The following UNC80 variants were observed in gnomAD, a reference collection of about 807,000 sequenced individuals.
UNC80 encodes unc-80 subunit of NALCN channel complex, also known as protein unc-80 homolog.
Under a neutral mutation model 384.6 loss-of-function variants are expected in UNC80, and 164 were observed. That is an observed-to-expected ratio of 0.43 (90% CI 0.38 to 0.49). The LOEUF (loss-of-function observed/expected upper bound fraction) is 0.49, where lower values mean the gene tolerates loss of function less well. Among genes scored for constraint, UNC80 ranks in the 20% least tolerant of loss-of-function variants. UNC80 has a pLI of 0.00. For missense variants in UNC80, 3,330 were observed against 4,143.0 expected (o/e 0.80, Z 5.39); for synonymous variants, 1,486 against 1,527.8 (o/e 0.97, Z 0.64).
intron 11 of UNC80, among the ~76,000 whole-genome samples, chr2:209,818,459 T>C (rs2079902204): frequency 6.6e-6 from 1 of 152,164 alleles, no homozygotes; most frequent in Admixed American, 6.5e-5. Context: ...AACAGAATAA[T>C]TGATTTTTTT....
In UNC80 at chr2:209,820,569, G is replaced by A. The variant is rs1326492753; in HGVS notation, c.2221G>A (p.Gly741Arg). The change falls in exon 13 of 65, where the codon GGA (glycine) becomes AGA (arginine). Residue 741 changes from glycine (G) to arginine (R), a missense_variant. Physicochemically the swap from Gly to Arg is moderately radical, Grantham distance 125. Coordinates refer to ENST00000673920, the MANE Select transcript of UNC80 (RefSeq NM_001371986.1). ...GPAVSGAGDG[G>R]GEEGGGGDGG... ...TGCTGTTAGTGGAGCTGGAGATGGT[G>A]GAGGAGAAGAAGGAGGAGGTGGAGA... The A allele has an allele frequency of 6.4e-7, 1 of 1,551,598 alleles. No individual in the cohort carries two copies. Among genetic ancestry groups the A allele is most frequent in the East Asian group, 2.4e-5 (1 of 40,910 alleles).
chr2:209,816,899 A>G lies in UNC80; in HGVS notation c.1336-10A>G, dbSNP rs1481321059. 7 of 1,551,402 alleles carry G rather than the reference A, an allele frequency of 4.5e-6. No individual in the cohort carries two copies. The highest frequency in any genetic ancestry group is 6.1e-6 in the Non-Finnish European group (7 of 1,146,812). On this transcript the variant is annotated splice_polypyrimidine_tract_variant and intron_variant, in intron 9 of 64. Transcript: ENST00000673920. The stretch of plus-strand genomic sequence containing the variant: ...CCCTGTGCCTAATTCTACACCTCTC[A>G]TCACTGTAGTTCAAGAGCCGCAAAG...
At chr2:209,848,862 C>T (rs932107852) in intron 21 of UNC80, among the ~76,000 whole-genome samples, 7 of 151,970 alleles carry the variant, frequency 4.6e-5, no homozygotes, top group African/African-American at 1.5e-4. Context: ...AAACCCAGGC[C>T]CATAACTGTA....
Position 209,921,613 on chromosome 2 carries a change from C to A in UNC80, c.5457C>A (p.Ile1819=), listed in dbSNP as rs2090044148. 1.9e-6 allele frequency: 3 copies of A among 1,551,624 alleles called. No individual in the cohort carries two copies. Among genetic ancestry groups the A allele is most frequent in the Non-Finnish European group, 2.6e-6 (3 of 1,147,006 alleles). ...KKRLGREASL[I]TAIPITQEAC... is the part of the protein sequence containing the mutation. ...GACTTGGTAGAGAAGCCAGCCTCAT[C>A]ACTGCCATCCCCATCACCCAGGAGG... Residue 1819 remains isoleucine, a synonymous_variant, in exon 34 of 65, where the codon ATC becomes ATA. Transcript: ENST00000673920.
Position 209,780,207 on chromosome 2 carries a change from C to A in UNC80, c.600+2648C>A, listed in dbSNP as rs558515974. 8.7e-4 allele frequency among the ~76,000 whole-genome samples: 133 copies of A among 152,202 alleles called. 1 individual carries two copies. The highest frequency in any genetic ancestry group is 3.1e-3 in the African/African-American group (128 of 41,522). ...ATAATTCGAAAAGCTGACTTAAGAC[C>A]CTCATGTTTAACTTATGGCTTGGGA... On this transcript the variant is annotated intron_variant, in intron 4 of 64. Transcript: ENST00000673920.
Position 209,957,740 on chromosome 2 carries a change from A to G in UNC80, c.7550+4A>G, listed in dbSNP as rs1559394709. Reference sequence around the variant, plus strand: ...TGTCGTCTGGGGTGAACACCAGGTAATTCACTGCGCCTTATTCTTCTATGG... The same window carrying G: ...TGTCGTCTGGGGTGAACACCAGGTAGTTCACTGCGCCTTATTCTTCTATGG... On this transcript the variant is annotated splice_donor_region_variant and intron_variant, in intron 49 of 64. Transcript: ENST00000673920. 1 of 1,551,338 alleles carries G rather than the reference A, an allele frequency of 6.4e-7. No homozygotes were observed. Among genetic ancestry groups the G allele is most frequent in the Non-Finnish European group, 8.7e-7 (1 of 1,146,734 alleles).
chr2:209,881,525 C>A (rs1050879260), intron 25 of UNC80, among the ~76,000 whole-genome samples: 1 of 152,032 alleles, frequency 6.6e-6, no homozygotes, highest in Non-Finnish European at 1.5e-5. Context: ...TGAAAGTACT[C>A]CAGTATTTAG....
At chr2:209,842,661 C>T (rs148221197) in intron 21 of UNC80, among the ~76,000 whole-genome samples, 2,034 of 152,268 alleles carry the variant, frequency 0.013, 49 homozygotes, top group African/African-American at 0.045. Context: ...ATGATGGGCA[C>T]TGGGTTTTCA....
rs538485359 is a variant in UNC80 at position 209,953,155 on chromosome 2, T to C, written c.7287-945T>C. The stretch of plus-strand genomic sequence containing the variant: ...AAAGATGGCAGGGTGCGGTGGTTCA[T>C]GCCTGTAATCCCAGATCTTTGGGAG... On this transcript the variant is annotated intron_variant, in intron 47 of 64. Transcript: ENST00000673920. 3.3e-5 allele frequency among the ~76,000 whole-genome samples: 5 copies of C among 152,226 alleles called. No homozygotes were observed. The East Asian group carries it at 9.7e-4, about 29-fold the overall frequency.
At chr2:209,953,971 A>G in intron 47 of UNC80, 129 bp from the exon 48 acceptor site, 1 of 991,614 alleles carries the variant, frequency 1.0e-6, no homozygotes, top group Non-Finnish European at 1.4e-6. Flanking sequence ...GCTTTTGATT[A>G]GGAGTGGCAA....
chr2:209,786,651 T>C (rs868487504), intron 5 of UNC80, among the ~76,000 whole-genome samples: 38 of 152,160 alleles, frequency 2.5e-4, no homozygotes, highest in African/African-American at 8.4e-4. Flanking sequence ...AGGAATTATC[T>C]AATGAAATAG....
intron 51 of UNC80, among the ~76,000 whole-genome samples, chr2:209,961,884 G>A (rs2125003466): frequency 6.6e-6 from 1 of 152,288 alleles, no homozygotes; most frequent in East Asian, 1.9e-4. Context: ...ACCTGACACA[G>A]GAGCCTTCAG....
At chr2:209,944,699 A>C (rs1205676367) in intron 45 of UNC80, among the ~76,000 whole-genome samples, 4 of 152,176 alleles carry the variant, frequency 2.6e-5, no homozygotes, top group Admixed American at 2.6e-4. Context: ...CATTCCGCAA[A>C]CATATTTGTA....
intron 25 of UNC80, among the ~76,000 whole-genome samples, chr2:209,881,702 G>A (rs1346072221): frequency 1.3e-5 from 2 of 151,960 alleles, no homozygotes; most frequent in African/African-American, 4.8e-5. Context: ...GGCCTGATTT[G>A]TTTAACCAAT....
intron 16 of UNC80, among the ~76,000 whole-genome samples, chr2:209,833,091 C>T (rs1056785315): frequency 2.0e-5 from 3 of 152,158 alleles, no homozygotes; most frequent in African/African-American, 4.8e-5. Flanking sequence ...AGGGGCACAG[C>T]GCCCTGCTTC....
chr2:209,865,867 G>C (rs755149863), intron 22 of UNC80, among the ~76,000 whole-genome samples: 13 of 152,012 alleles, frequency 8.6e-5, no homozygotes, highest in Non-Finnish European at 1.9e-4. Flanking sequence ...TCTTTATTTT[G>C]ATCTCAACTT....
chr2:209,925,564 A>T (rs913395430), intron 35 of UNC80, among the ~76,000 whole-genome samples: 2 of 146,932 alleles, frequency 1.4e-5, no homozygotes, highest in Non-Finnish European at 3.1e-5. Context: ...TTATTCCCTT[A>T]TTTGGCCCCT....
At chr2:209,962,354 C>T (rs1277111624) in intron 51 of UNC80, among the ~76,000 whole-genome samples, 2 of 151,960 alleles carry the variant, frequency 1.3e-5, no homozygotes, top group Non-Finnish European at 2.9e-5. Flanking sequence ...CAGTGAAAAA[C>T]CTTGGCTTCT....
chr2:209,988,047 G>A (rs183373959), intron 61 of UNC80, among the ~76,000 whole-genome samples: 223 of 152,138 alleles, frequency 1.5e-3, no homozygotes, highest in Non-Finnish European at 2.9e-3. Context: ...TAAATTATGT[G>A]GCACTTAAGA....
Sources: gnomAD v4.1 joint callset for allele counts (sites outside exome capture counted in the v4.1 genomes callset) on GRCh38, gnomAD v4.1.1 for gene constraint, MANE v1.5 for transcripts, NCBI Gene and HGNC (gene_info 2026-07-23, HGNC 2026-07-21) for gene names.